PARP1: variants seen among roughly 807,000 people sequenced by gnomAD.
The protein encoded by PARP1 is poly [ADP-ribose] polymerase 1.
In PARP1, 44 loss-of-function variants were observed where a neutral mutation model predicts 118.7. That is an observed-to-expected ratio of 0.37 (90% CI 0.29 to 0.48). PARP1 has a LOEUF of 0.48. Among genes scored for constraint, PARP1 ranks in the 20% least tolerant of loss-of-function variants. PARP1 has a pLI of 0.99. For synonymous variants in PARP1, 492 were observed against 483.2 expected (o/e 1.02, Z -0.24); for missense variants, 1,100 against 1,272.4 (o/e 0.86, Z 2.06).
intron 19 of PARP1, chr1:226,364,511 G>T (rs1345758216): frequency 6.6e-6 from 2 of 305,152 alleles, no homozygotes. Context: ...GCCCCAGAGA[G>T]AATCATTTAA....
At chr1:226,382,914 G>T in intron 8 of PARP1, 122 bp downstream of exon 8, 1 of 1,114,168 alleles carries the variant, frequency 9.0e-7, no homozygotes, top group Non-Finnish European at 1.4e-6. Context: ...GCTTCCCCAT[G>T]GTGGGGTCAG....
chr1:226,402,128 A>G (rs1665048175), intron 2 of PARP1, 86 bp downstream of exon 2: 1 of 1,611,614 alleles, frequency 6.2e-7, no homozygotes, highest in Non-Finnish European at 8.5e-7. Flanking sequence ...AAGCTGGGGG[A>G]GGTTTGCTTT....
intron 18 of PARP1, among the ~76,000 whole-genome samples, chr1:226,365,446 G>A (rs956020566): frequency 2.0e-5 from 3 of 152,178 alleles, no homozygotes; most frequent in African/African-American, 7.2e-5. Context: ...TTGGGGACAG[G>A]AAATGTCCTT....
At chr1:226,370,300 A>C in intron 15 of PARP1, 134 bp downstream of exon 15, 1 of 753,258 alleles carries the variant, frequency 1.3e-6, no homozygotes. Flanking sequence ...AAAAAATCGA[A>C]ACCCTCGTGA....
At chr1:226,370,377 A>G in intron 15 of PARP1, 57 bp downstream of exon 15, 1 of 1,268,356 alleles carries the variant, frequency 7.9e-7, no homozygotes. Context: ...CCCAGGTCTC[A>G]CCCCCTAAGT....
At position 226,383,248 on chromosome 1, in the gene PARP1, A is replaced by C; in HGVS notation, c.1012-65T>G. 1.5e-6 allele frequency: 2 copies of C among 1,317,568 alleles called. 1 individual carries two copies. The highest frequency in any genetic ancestry group is 2.2e-6 in the Non-Finnish European group (2 of 915,012). 81.6% of individuals were successfully genotyped at this position (1,317,568 alleles called of 1,614,324 possible). On this transcript the variant is annotated intron_variant, in intron 7 of 22. Coordinates refer to ENST00000366794, the MANE Select transcript of PARP1 (RefSeq NM_001618.4). ...CTTGAGGTAACCACCCCATAGACCA[A>C]AGAGGATTTGGCTTGTCCAAATCAA...
rs551316018 is a variant in PARP1 at position 226,399,976 on chromosome 1, T to G, written c.286+2238A>C. ...CGAGATCACACCACTGCACCCCAGC[T>G]TGGGTGACAGAGCGAGAATCCGTCT... On this transcript the variant is annotated intron_variant, in intron 2 of 22. Coordinates refer to ENST00000366794, the MANE Select transcript of PARP1 (RefSeq NM_001618.4). 1.0e-3 allele frequency among the ~76,000 whole-genome samples: 154 copies of G among 150,620 alleles called. 1 individual carries two copies. Among genetic ancestry groups the G allele is most frequent in the African/African-American group, 3.6e-3 (146 of 40,940 alleles).
chr1:226,370,430 T>A lies in PARP1; in HGVS notation c.2154+4A>T. On this transcript the variant is annotated splice_donor_region_variant and intron_variant, in intron 15 of 22. Transcript: ENST00000366794. ...CAGGAGGCCCCTGGTAGCCCTGTGCTTACCTGCTGGACCTCACTGAGGATG... is the reference window on the plus strand; with the variant it reads ...CAGGAGGCCCCTGGTAGCCCTGTGCATACCTGCTGGACCTCACTGAGGATG... 1 of 1,612,294 alleles carries A rather than the reference T, an allele frequency of 6.2e-7. No homozygotes were observed. Among genetic ancestry groups the A allele is most frequent in the Non-Finnish European group, 8.5e-7 (1 of 1,178,304 alleles).
chr1:226,366,688 A>G (rs1664271176), intron 17 of PARP1: 1 of 156,792 alleles, frequency 6.4e-6, no homozygotes, highest in South Asian at 1.9e-4. Context: ...AACCACACCT[A>G]CAGTTTTCCC....
In PARP1 at chr1:226,379,972, T is replaced by C. The variant is rs759976569; in HGVS notation, c.1493A>G (p.Lys498Arg). ...EPVEVVAPRG[K>R]SGAALSKKSK... ...TTTTTTGGAGAGCGCAGCCCCTGACTTCCCTCTTGGGGCCACAACTTCAAC... is the reference window on the plus strand; with the variant it reads ...TTTTTTGGAGAGCGCAGCCCCTGACCTCCCTCTTGGGGCCACAACTTCAAC... The change falls in exon 10 of 23, where the codon AAG (lysine) becomes AGG (arginine). Residue 498 changes from lysine to arginine, a missense_variant. Physicochemically the swap from Lys to Arg is conservative, Grantham distance 26. Transcript: ENST00000366794. The C allele has an allele frequency of 4.3e-6, 7 of 1,614,056 alleles. No homozygotes were observed. Among genetic ancestry groups the C allele is most frequent in the Non-Finnish European group, 5.9e-6 (7 of 1,180,022 alleles).
chr1:226,370,842 G>A (rs940194689), intron 14 of PARP1: 2 of 358,906 alleles, frequency 5.6e-6, no homozygotes, highest in African/African-American at 4.2e-5. Flanking sequence ...CTGATGTGCA[G>A]ATGAGGGCTC....
intron 2 of PARP1, among the ~76,000 whole-genome samples, chr1:226,396,408 C>T (rs1295649325): frequency 8.1e-6 from 1 of 122,744 alleles, no homozygotes; most frequent in Non-Finnish European, 1.7e-5. Flanking sequence ...GCCTATTTTG[C>T]CACCAAAAAA....
intron 4 of PARP1, 23 bp from the exon 5 acceptor site, chr1:226,388,778 G>A (rs1664768663): frequency 1.3e-6 from 2 of 1,561,862 alleles, no homozygotes; most frequent in Non-Finnish European, 1.8e-6. Flanking sequence ...CAGGATATGA[G>A]AGACAGCCAG....
intron 16 of PARP1, 54 bp from the exon 17 acceptor site, chr1:226,367,662 C>T: frequency 2.5e-6 from 4 of 1,607,344 alleles, no homozygotes; most frequent in Non-Finnish European, 3.4e-6. Flanking sequence ...ATGAGACAGA[C>T]TCACCCAGGT....
In PARP1 at chr1:226,367,548, C is replaced by T; in HGVS notation, c.2338G>A (p.Gly780Arg). The change falls in exon 17 of 23, where the codon GGA (glycine) becomes AGA (arginine). Residue 780 changes from glycine to arginine, a missense_variant. Transcript: ENST00000366794. ...DIEVAYSLLR[G>R]GSDDSSKDPI... ...TCCTTGCTGCTATCATCAGACCCTC[C>T]CCTGAGCAGACTGTAGGCCACCTCG... The T allele has an allele frequency of 1.2e-6, 2 of 1,614,150 alleles. No individual in the cohort carries two copies. Among genetic ancestry groups the T allele is most frequent in the Non-Finnish European group, 1.7e-6 (2 of 1,180,004 alleles).
intron 15 of PARP1, among the ~76,000 whole-genome samples, chr1:226,369,864 C>T (rs537278817): frequency 2.6e-5 from 4 of 151,412 alleles, no homozygotes; most frequent in South Asian, 2.1e-4. Flanking sequence ...GTCTGAGGCA[C>T]GAGAACCGCT....
At chr1:226,405,973 C>T (rs1665138631) in intron 1 of PARP1, among the ~76,000 whole-genome samples, 2 of 151,958 alleles carry the variant, frequency 1.3e-5, no homozygotes, top group African/African-American at 4.8e-5. Flanking sequence ...AACAAAAAGG[C>T]TCGAAAAGGA....
chr1:226,361,149 G>A lies in PARP1; in HGVS notation c.*311C>T, dbSNP rs1333023350. 2.4e-6 allele frequency: 1 copy of A among 423,878 alleles called. No homozygotes were observed. The highest frequency in any genetic ancestry group is 2.0e-5 in the African/African-American group (1 of 50,840). The allele number at this position is 423,878 out of a possible 1,614,324, so 26.3% of individuals were successfully genotyped here. ...CCAGTAAGGCAGACATTCTAACGAA[G>A]CTTGGTTTTTTCCATAGGACTAGTC... On this transcript the variant is annotated 3_prime_UTR_variant, in exon 23 of 23. Coordinates refer to ENST00000366794, the MANE Select transcript of PARP1 (RefSeq NM_001618.4).
Position 226,380,049 on chromosome 1 carries a change from C to T in PARP1, c.1416G>A (p.Leu472=). ...AAGGGGACAAGATGTGCGCTAAGAA[C>T]AACTCCTGAAGGCTCTTGGTGGAGG... ...VSASTKSLQE[L]FLAHILSPWG... Residue 472 remains leucine, a synonymous_variant, in exon 10 of 23, where the codon TTG becomes TTA. Coordinates refer to ENST00000366794, the MANE Select transcript of PARP1 (RefSeq NM_001618.4). 1 of 1,614,220 alleles carries T rather than the reference C, an allele frequency of 6.2e-7. No homozygotes were observed. The highest frequency in any genetic ancestry group is 1.1e-5 in the South Asian group (1 of 91,072).
Sources: allele counts gnomAD v4.1 joint callset (sites outside exome capture counted in the v4.1 genomes callset), GRCh38; gene constraint gnomAD v4.1.1; transcripts MANE v1.5; gene names NCBI Gene and HGNC (gene_info 2026-07-23, HGNC 2026-07-21).